RIOK3: variants seen among roughly 807,000 people sequenced by gnomAD.
RIOK3 encodes RIO kinase 3.
Under a neutral mutation model 63.5 loss-of-function variants are expected in RIOK3, and 40 were observed. That is an observed-to-expected ratio of 0.63 (90% confidence interval 0.49 to 0.82). The LOEUF (loss-of-function observed/expected upper bound fraction) is 0.82, where lower values mean the gene tolerates loss of function less well. Ranked by LOEUF, RIOK3 falls within the 40% of genes least tolerant of loss-of-function variation. The pLI is 0.00. For synonymous variants in RIOK3, 193 were observed against 205.0 expected, an observed-to-expected ratio of 0.94 and a Z score of 0.50; for missense variants, 557 against 637.0, an observed-to-expected ratio of 0.87 and a Z score of 1.35.
intron 12 of RIOK3, among the ~76,000 whole-genome samples, chr18:23,480,555 GCA>G (rs59552026): frequency 0.13 from 18,693 of 141,990 alleles, 1,486 homozygotes; most frequent in Middle Eastern, 0.29. Flanking sequence ...TTGGATGCAC[GCA>G]CACACACACA....
intron 5 of RIOK3, 111 bp from the exon 6 acceptor site, chr18:23,466,022 A>G (rs964287614): frequency 4.3e-6 from 3 of 699,654 alleles, no homozygotes; most frequent in Non-Finnish European, 2.2e-6. Context: ...CTGGTTTTCT[A>G]GTGTGATCAT....
chr18:23,469,348 C>T (rs1453101817), intron 7 of RIOK3, among the ~76,000 whole-genome samples: 673 of 4,684 alleles, frequency 0.14, 22 homozygotes, highest in Non-Finnish European at 0.17. Context: ...CCCCTCTCTC[C>T]CCCTCTCTCC....
rs2057509084 is a variant in RIOK3 at position 23,478,575 on chromosome 18, G to A, written c.1345-742G>A. Among the ~76,000 whole-genome samples the A allele has an allele frequency of 3.4e-5, 4 of 119,270 alleles. No homozygotes were observed. In the South Asian group the frequency reaches 1.1e-3, roughly 33 times the overall value. The allele number at this position is 119,270 out of a possible 152,430, so 78.2% of individuals were successfully genotyped here. Reference sequence around the variant, plus strand: ...CCACTGCACTCCAGCCTGGATGACAGTGCTAGGCCCTGTCTCTTAAAAAAA... The same window carrying A: ...CCACTGCACTCCAGCCTGGATGACAATGCTAGGCCCTGTCTCTTAAAAAAA... On this transcript the variant is annotated intron_variant, in intron 11 of 12. Coordinates refer to ENST00000339486, the MANE Select transcript of RIOK3 (RefSeq NM_003831.5).
Position 23,464,214 on chromosome 18 carries a change from T to C in RIOK3, c.334T>C (p.Ser112Pro), listed in dbSNP as rs2057390746. Residue 112 changes from serine to proline, a missense_variant, in exon 4 of 13, where the codon TCC becomes CCC. Coordinates refer to ENST00000339486, the MANE Select transcript of RIOK3 (RefSeq NM_003831.5). ...TATTTTTGCTTCTTAAGTTTCCATT[T>C]CCTTTGAAAATTATCGAAAAGTGCA... ...KFNGDSKVSI[S>P]FENYRKVHPY... 3.1e-6 allele frequency: 5 copies of C among 1,613,022 alleles called. No individual in the cohort carries two copies. The highest frequency in any genetic ancestry group is 4.2e-6 in the Non-Finnish European group (5 of 1,179,684).
chr18:23,473,387 G>C, intron 7 of RIOK3, 42 bp from the exon 8 acceptor site: 1 of 1,224,596 alleles, frequency 8.2e-7, no homozygotes, highest in Non-Finnish European at 1.2e-6. Context: ...GTACTTGTGA[G>C]CTGGCAACTT....
intron 9 of RIOK3, 86 bp from the exon 10 acceptor site, chr18:23,476,920 T>A (rs1033822489): frequency 6.9e-6 from 8 of 1,154,174 alleles, no homozygotes; most frequent in Non-Finnish European, 1.0e-5. Flanking sequence ...TCCAAAAAAA[T>A]AAAAAATAAA....
Position 23,467,618 on chromosome 18 carries a change from A to C in RIOK3, c.815+92A>C. On this transcript the variant is annotated intron_variant, in intron 7 of 12. Transcript: ENST00000339486. ...TACACAGAATCAAAGATAATGCTGCATGGCAAGCAGAGTAATTTTTAAAGT... is the reference window on the plus strand; with the variant it reads ...TACACAGAATCAAAGATAATGCTGCCTGGCAAGCAGAGTAATTTTTAAAGT... 4.0e-6 allele frequency: 5 copies of C among 1,245,936 alleles called. 1 individual carries two copies. In the South Asian group the frequency reaches 6.9e-5, roughly 17 times the overall value. 77.2% of individuals were successfully genotyped at this position (1,245,936 alleles called of 1,614,324 possible). A position where few individuals can be genotyped will look rare whatever the true frequency, so the allele number is the denominator to read the frequency against.
intron 9 of RIOK3, among the ~76,000 whole-genome samples, chr18:23,476,013 C>G (rs1405048176): frequency 6.9e-6 from 1 of 144,358 alleles, no homozygotes. Flanking sequence ...TCTCGAACTC[C>G]TGGGCTCAAG....
At chr18:23,463,139 G>C (rs1248273867) in intron 2 of RIOK3, 60 bp downstream of exon 2, 1 of 1,150,844 alleles carries the variant, frequency 8.7e-7, no homozygotes, top group Non-Finnish European at 1.3e-6. Flanking sequence ...AGGATTTGAT[G>C]AGTAATTGTC....
intron 1 of RIOK3, among the ~76,000 whole-genome samples, chr18:23,453,949 T>C (rs1247563230): frequency 1.3e-5 from 2 of 152,192 alleles, no homozygotes; most frequent in Non-Finnish European, 2.9e-5. Flanking sequence ...AAATGTCTTG[T>C]TTTTGAAGCA....
intron 1 of RIOK3, among the ~76,000 whole-genome samples, chr18:23,462,636 G>T (rs1598805246): frequency 6.6e-6 from 1 of 152,200 alleles, no homozygotes; most frequent in East Asian, 1.9e-4. Flanking sequence ...AGGTAGCTTG[G>T]TGAGCAAGGA....
intron 11 of RIOK3, 112 bp from the exon 12 acceptor site, chr18:23,479,205 G>A (rs1188796372): frequency 3.1e-6 from 2 of 651,076 alleles, no homozygotes; most frequent in Non-Finnish European, 5.7e-6. Flanking sequence ...GTGTGTGCGT[G>A]TGCACACGTG....
At chr18:23,457,917 CAG>C (rs1750009432) in intron 1 of RIOK3, among the ~76,000 whole-genome samples, 1 of 150,794 alleles carries the variant, frequency 6.6e-6, no homozygotes, top group Non-Finnish European at 1.5e-5. Context: ...TTTTTGGAGA[CAG>C]AGTCTCACTC....
At chr18:23,475,439 G>A (rs2057483286) in intron 9 of RIOK3, among the ~76,000 whole-genome samples, 1 of 142,516 alleles carries the variant, frequency 7.0e-6, no homozygotes, top group African/African-American at 2.7e-5. Context: ...CTCCAGCCTG[G>A]GTGACAGAGT....
At chr18:23,475,919 T>G (rs890370238) in intron 9 of RIOK3, among the ~76,000 whole-genome samples, 1 of 150,732 alleles carries the variant, frequency 6.6e-6, no homozygotes, top group African/African-American at 2.4e-5. Flanking sequence ...TGAGCTTTCA[T>G]GAATGTTATA....
At position 23,482,423 on chromosome 18, in the gene RIOK3, T is replaced by A. The variant is rs1300225634; in HGVS notation, c.*1144T>A. On this transcript the variant is annotated 3_prime_UTR_variant, in exon 13 of 13. Coordinates refer to ENST00000339486, the MANE Select transcript of RIOK3 (RefSeq NM_003831.5). ...TTCTCAGGAGGCTGAGACAGGAGAA[T>A]CGCTTGAACCCGGGAGGCAGAGGTT... is the stretch of plus-strand genomic sequence containing the variant. The A allele has an allele frequency of 6.6e-6, 1 of 151,654 alleles. No homozygotes were observed. Among genetic ancestry groups the A allele is most frequent in the Admixed American group, 6.6e-5 (1 of 15,212 alleles). 9.4% of individuals were successfully genotyped at this position (151,654 alleles called of 1,614,324 possible).
At chr18:23,477,766 CAA>C (rs538290499) in intron 11 of RIOK3, among the ~76,000 whole-genome samples, 38 of 69,108 alleles carry the variant, frequency 5.5e-4, no homozygotes, top group Admixed American at 1.1e-3. Flanking sequence ...GGCTCCGTCT[CAA>C]AAAAAAAAAA....
At chr18:23,460,656 G>A (rs560564416) in intron 1 of RIOK3, among the ~76,000 whole-genome samples, 1 of 152,024 alleles carries the variant, frequency 6.6e-6, no homozygotes, top group East Asian at 1.9e-4. Context: ...AGAATTCTGA[G>A]TTAGACAGTC....
rs970162243 is a variant in RIOK3, at chr18:23,481,884, T to C, written c.*605T>C. 3 of 152,220 alleles carry C rather than the reference T, an allele frequency of 2.0e-5. No individual in the cohort carries two copies. The highest frequency in any genetic ancestry group is 2.9e-5 in the Non-Finnish European group (2 of 68,044). The allele number at this position is 152,220 out of a possible 1,614,324, so 9.4% of individuals were successfully genotyped here. On this transcript the variant is annotated 3_prime_UTR_variant, in exon 13 of 13. Transcript: ENST00000339486. ...TATATCATGAAAATGAACAGAATTC[T>C]TTTTCCATACTTATATCTAAGAAAA...
Sources: gnomAD v4.1 joint callset for allele counts (sites outside exome capture counted in the v4.1 genomes callset) on GRCh38, gnomAD v4.1.1 for gene constraint, MANE v1.5 for transcripts, NCBI Gene and HGNC (gene_info 2026-07-23, HGNC 2026-07-21) for gene names.